Variants in METTL2B observed in about 807,000 individuals in gnomAD.
METTL2B encodes methyltransferase 2B, tRNA N3-cytidine.
Under a neutral mutation model 51.0 loss-of-function variants are expected in METTL2B, and 28 were observed. The ratio of observed to expected loss-of-function variants is 0.55; its 90% CI spans 0.41 to 0.75. The LOEUF is 0.75. Ranked by LOEUF, METTL2B falls within the 30% of genes least tolerant of loss-of-function variation. The probability of loss-of-function intolerance (pLI) is 0.00; values close to 1 mark genes in which losing one functional copy is unlikely to be tolerated. For synonymous variants in METTL2B, 128 were observed against 166.3 expected, an observed-to-expected ratio of 0.77 and a Z score of 1.77; for missense variants, 313 against 460.7, an observed-to-expected ratio of 0.68 and a Z score of 2.93.
intron 4 of METTL2B, among the ~76,000 whole-genome samples, chr7:128,484,718 G>A (rs1792669054): frequency 6.6e-6 from 1 of 151,938 alleles, no homozygotes; most frequent in Non-Finnish European, 1.5e-5. Context: ...TCAGCCTCCT[G>A]AGTAGCTGGG....
At chr7:128,490,063 T>A (rs1474474487) in intron 5 of METTL2B, among the ~76,000 whole-genome samples, 2 of 152,172 alleles carry the variant, frequency 1.3e-5, no homozygotes, top group African/African-American at 4.8e-5. Flanking sequence ...TGAAGTCCAT[T>A]CTCTCAAACC....
At chr7:128,498,227 C>T in intron 7 of METTL2B, 85 bp downstream of exon 7, 1 of 1,398,884 alleles carries the variant, frequency 7.1e-7, no homozygotes, top group South Asian at 1.2e-5. Context: ...TCATTCTCAG[C>T]AAACTAACAC....
In METTL2B at chr7:128,501,135, A is replaced by G. The variant is rs541623478; in HGVS notation, c.982+167A>G. 290 of 985,408 alleles carry G rather than the reference A, an allele frequency of 2.9e-4. 1 individual carries two copies. In the African/African-American group the frequency reaches 4.9e-3, roughly 17 times the overall value. The allele number at this position is 985,408 out of a possible 1,614,324, so 61.0% of individuals were successfully genotyped here. ...CACCCTGGGCTAGGCTACCCATGGCAGCCAGCCACTCGGGCCCCCAGGCAG... is the reference window on the plus strand; with the variant it reads ...CACCCTGGGCTAGGCTACCCATGGCGGCCAGCCACTCGGGCCCCCAGGCAG... On this transcript the variant is annotated intron_variant, in intron 8 of 8. Transcript: ENST00000262432.
intron 4 of METTL2B, among the ~76,000 whole-genome samples, chr7:128,487,484 T>C (rs575935831): frequency 6.6e-6 from 1 of 152,366 alleles, no homozygotes; most frequent in Admixed American, 6.5e-5. Context: ...GGAAGCAATT[T>C]TGATGGTTTT....
In METTL2B at chr7:128,502,756, G is replaced by T. The variant is rs563016471; in HGVS notation, c.*840G>T. On this transcript the variant is annotated 3_prime_UTR_variant, in exon 9 of 9. Coordinates refer to ENST00000262432, the MANE Select transcript of METTL2B (RefSeq NM_018396.3). ...TCTACTAAAGATAAAAAAATTAGCTGGGTGTGTTGGTGGGTGCCTGTAATC... is the reference window on the plus strand; with the variant it reads ...TCTACTAAAGATAAAAAAATTAGCTTGGTGTGTTGGTGGGTGCCTGTAATC... The T allele has an allele frequency of 2.1e-4, 74 of 346,186 alleles. No homozygotes were observed. Among genetic ancestry groups the T allele is most frequent in the African/African-American group, 1.3e-3 (59 of 44,734 alleles). 21.4% of individuals were successfully genotyped at this position (346,186 alleles called of 1,614,324 possible). A position where few individuals can be genotyped will look rare whatever the true frequency, so the allele number is the denominator to read the frequency against.
chr7:128,488,363 T>C lies in METTL2B; in HGVS notation c.669+202T>C, dbSNP rs1027664536. The C allele has an allele frequency of 8.1e-6, 7 of 861,194 alleles. No individual in the cohort carries two copies. In the African/African-American group the frequency reaches 1.2e-4, roughly 14 times the overall value. The allele number at this position is 861,194 out of a possible 1,614,324, so 53.3% of individuals were successfully genotyped here. On this transcript the variant is annotated intron_variant, in intron 5 of 8. Coordinates refer to ENST00000262432, the MANE Select transcript of METTL2B (RefSeq NM_018396.3). ...TGTACAGATGTCATATCTGTTCATATATTGAAAGTCTGTGGCAACCCTGCA... is the reference window on the plus strand; with the variant it reads ...TGTACAGATGTCATATCTGTTCATACATTGAAAGTCTGTGGCAACCCTGCA...
intron 5 of METTL2B, among the ~76,000 whole-genome samples, chr7:128,493,503 C>T (rs1436986905): frequency 1.3e-5 from 2 of 152,096 alleles, no homozygotes; most frequent in Non-Finnish European, 2.9e-5. Flanking sequence ...TGAGCCACCA[C>T]ATCCTTGCCA....
chr7:128,498,327 C>T (rs1182765739), intron 7 of METTL2B, among the ~76,000 whole-genome samples, 185 bp downstream of exon 7: 1 of 145,568 alleles, frequency 6.9e-6, no homozygotes, highest in Admixed American at 7.0e-5. Flanking sequence ...GGGCATCACA[C>T]ACTGGGGCCT....
intron 5 of METTL2B, among the ~76,000 whole-genome samples, chr7:128,493,443 C>T (rs950486068): frequency 4.6e-5 from 7 of 152,132 alleles, no homozygotes; most frequent in Non-Finnish European, 8.8e-5. Flanking sequence ...AACTCCTGAT[C>T]TCAGGTGGTC....
intron 5 of METTL2B, 54 bp from the exon 6 acceptor site, chr7:128,493,750 C>T: frequency 6.5e-7 from 1 of 1,546,900 alleles, no homozygotes; most frequent in South Asian, 1.2e-5. Flanking sequence ...ATAATCTTTT[C>T]TTTGGGCTAT....
chr7:128,504,335 G>A lies in METTL2B; in HGVS notation c.*2419G>A, dbSNP rs1793081501. 1 of 146,698 alleles carries A rather than the reference G, an allele frequency of 6.8e-6. No homozygotes were observed. Among genetic ancestry groups the A allele is most frequent in the Non-Finnish European group, 1.5e-5 (1 of 67,658 alleles). 9.1% of individuals were successfully genotyped at this position (146,698 alleles called of 1,614,324 possible). ...GGAGTTCAAGACCAGGCTGGGTAATGTAGCAAGACCCTGACTTTTTTTTTT... is the reference window on the plus strand; with the variant it reads ...GGAGTTCAAGACCAGGCTGGGTAATATAGCAAGACCCTGACTTTTTTTTTT... On this transcript the variant is annotated 3_prime_UTR_variant, in exon 9 of 9. Coordinates refer to ENST00000262432, the MANE Select transcript of METTL2B (RefSeq NM_018396.3).
chr7:128,501,645 G>T, intron 8 of METTL2B, 117 bp from the exon 9 acceptor site: 1 of 1,510,382 alleles, frequency 6.6e-7, no homozygotes. Flanking sequence ...ATAACCAAAT[G>T]GCCATGTAAA....
intron 6 of METTL2B, among the ~76,000 whole-genome samples, chr7:128,494,435 T>A (rs903571857): frequency 2.0e-5 from 3 of 152,252 alleles, no homozygotes; most frequent in Non-Finnish European, 4.4e-5. Flanking sequence ...CAACTTCTGT[T>A]CTGGCCTCGA....
At chr7:128,486,155 G>A (rs138294558) in intron 4 of METTL2B, among the ~76,000 whole-genome samples, 17,233 of 151,898 alleles carry the variant, frequency 0.11, 1,022 homozygotes, top group Middle Eastern at 0.17. Flanking sequence ...TTAACCAGGC[G>A]TGGTGGTGGG....
Position 128,502,790 on chromosome 7 carries a change from C to G in METTL2B, c.*874C>G. On this transcript the variant is annotated 3_prime_UTR_variant, in exon 9 of 9. Transcript: ENST00000262432. ...GGTGGGTGCCTGTAATCCAGCTACT[C>G]GGGAGGCTGAGGCAGGAGAATCACT... 1 of 320,002 alleles carries G rather than the reference C, an allele frequency of 3.1e-6. No homozygotes were observed. The highest frequency in any genetic ancestry group is 6.1e-6 in the Non-Finnish European group (1 of 164,806). 19.8% of individuals were successfully genotyped at this position (320,002 alleles called of 1,614,324 possible).
intron 5 of METTL2B, among the ~76,000 whole-genome samples, chr7:128,489,894 C>T (rs1193589163): frequency 6.6e-6 from 1 of 152,060 alleles, no homozygotes; most frequent in Non-Finnish European, 1.5e-5. Flanking sequence ...TCCCAAAGTG[C>T]TGGGATTACA....
chr7:128,499,392 G>A (rs544357460), intron 7 of METTL2B, among the ~76,000 whole-genome samples: 2 of 151,856 alleles, frequency 1.3e-5, no homozygotes, highest in African/African-American at 4.8e-5. Context: ...TGCCCTTGTT[G>A]CCCAGGCTGG....
Position 128,503,154 on chromosome 7 carries a change from C to G in METTL2B, c.*1238C>G, listed in dbSNP as rs1421355263. On this transcript the variant is annotated 3_prime_UTR_variant, in exon 9 of 9. Coordinates refer to ENST00000262432, the MANE Select transcript of METTL2B (RefSeq NM_018396.3). The stretch of plus-strand genomic sequence containing the variant: ...GCATGGTGGCATGCGCCTGTAGTCC[C>G]CTGTAGTCCCAGCTACTCGGGAGGC... 1.3e-5 allele frequency: 2 copies of G among 149,730 alleles called. No individual in the cohort carries two copies. Among genetic ancestry groups the G allele is most frequent in the African/African-American group, 4.9e-5 (2 of 40,462 alleles). The allele number at this position is 149,730 out of a possible 1,614,324, so 9.3% of individuals were successfully genotyped here.
intron 4 of METTL2B, among the ~76,000 whole-genome samples, chr7:128,484,767 A>T (rs1792669867): frequency 6.6e-6 from 1 of 151,578 alleles, no homozygotes; most frequent in Admixed American, 6.6e-5. Context: ...TAATTTTTGT[A>T]TTTTTAGGAT....
Sources: gnomAD v4.1 joint callset for allele counts (sites outside exome capture counted in the v4.1 genomes callset) on GRCh38, gnomAD v4.1.1 for gene constraint, MANE v1.5 for transcripts, NCBI Gene and HGNC (gene_info 2026-07-23, HGNC 2026-07-21) for gene names.